The following FAM227B variants were observed in gnomAD, a reference collection of about 807,000 sequenced individuals.
FAM227B encodes protein FAM227B.
A neutral mutation model predicts 73.8 loss-of-function variants in FAM227B; 88 were observed. The ratio of observed to expected loss-of-function variants is 1.19; its 90% CI spans 1.00 to 1.42. The LOEUF is 1.42. Ranked by LOEUF, FAM227B falls within the 40% of genes most tolerant of loss-of-function variation. The pLI is 0.00. For synonymous variants in FAM227B, 210 were observed against 190.5 expected (o/e 1.10, Z -0.84); for missense variants, 632 against 590.9 (o/e 1.07, Z -0.72).
chr15:49,588,010 C>A lies in FAM227B; in HGVS notation c.405+6G>T, dbSNP rs994969576. The A allele has an allele frequency of 2.8e-6, 4 of 1,446,476 alleles. No homozygotes were observed. Among genetic ancestry groups the A allele is most frequent in the South Asian group, 2.9e-5 (2 of 69,982 alleles). 89.6% of individuals were successfully genotyped at this position (1,446,476 alleles called of 1,614,324 possible). On this transcript the variant is annotated splice_donor_region_variant and intron_variant, in intron 5 of 15. Transcript: ENST00000299338. ...TTCAAGGATGATAAAAACATAGATA[C>A]CATACCATTATCTTTTTTTTCTTAT...
intron 11 of FAM227B, among the ~76,000 whole-genome samples, chr15:49,496,931 TCA>T (rs147133019): frequency 0.023 from 3,243 of 140,818 alleles, 109 homozygotes; most frequent in African/African-American, 0.071. Flanking sequence ...ATACACAAAG[TCA>T]CACACACACA....
At chr15:49,547,375 C>A (rs557490359) in intron 9 of FAM227B, among the ~76,000 whole-genome samples, 1 of 149,720 alleles carries the variant, frequency 6.7e-6, no homozygotes, top group Non-Finnish European at 1.5e-5. Flanking sequence ...CATCAACTAA[C>A]AAGCAAAATA....
chr15:49,456,269 T>C (rs2053276644), intron 11 of FAM227B, among the ~76,000 whole-genome samples: 1 of 152,130 alleles, frequency 6.6e-6, no homozygotes, highest in African/African-American at 2.4e-5. Context: ...ATGTGTTTGA[T>C]GATCATAATA....
At position 49,327,224 on chromosome 15, in the gene FAM227B, T is replaced by G. The variant is rs923821418; in HGVS notation, c.*1344A>C. 1 of 152,232 alleles carries G rather than the reference T, an allele frequency of 6.6e-6. No individual in the cohort carries two copies. The highest frequency in any genetic ancestry group is 1.5e-5 in the Non-Finnish European group (1 of 68,044). 9.4% of individuals were successfully genotyped at this position (152,232 alleles called of 1,614,324 possible). On this transcript the variant is annotated 3_prime_UTR_variant, in exon 16 of 16. Transcript: ENST00000299338. Reference sequence around the variant, plus strand: ...TGTTGTCATCCCAATCAGATATATCTCATCTGATGTCAACTTCTGAGTCCA... The same window carrying G: ...TGTTGTCATCCCAATCAGATATATCGCATCTGATGTCAACTTCTGAGTCCA...
Position 49,556,969 on chromosome 15 carries a change from C to A in FAM227B, c.747+11276G>T, listed in dbSNP as rs2152325177. ...AGAGGTCCCTGGTGAGAGTGGGTTG[C>A]CCCTTGCCTGCTCATCTCACCTCTT... is the stretch of plus-strand genomic sequence containing the variant. On this transcript the variant is annotated intron_variant, in intron 9 of 15. Coordinates refer to ENST00000299338, the MANE Select transcript of FAM227B (RefSeq NM_152647.3). 3.3e-5 allele frequency among the ~76,000 whole-genome samples: 5 copies of A among 152,248 alleles called. No individual in the cohort carries two copies. In the South Asian group the frequency reaches 1.0e-3, roughly 32 times the overall value.
At chr15:49,575,392 T>C (rs2152374752) in intron 7 of FAM227B, among the ~76,000 whole-genome samples, 1 of 152,158 alleles carries the variant, frequency 6.6e-6, no homozygotes, top group South Asian at 2.1e-4. Context: ...TTGGATTCTA[T>C]TTTTAGTACT....
intron 11 of FAM227B, among the ~76,000 whole-genome samples, chr15:49,470,239 A>C (rs1039222256): frequency 1.6e-5 from 1 of 61,016 alleles, no homozygotes; most frequent in Non-Finnish European, 3.9e-5. Context: ...GCACCTTATA[A>C]TTCTTTAACA....
intron 11 of FAM227B, among the ~76,000 whole-genome samples, chr15:49,499,629 A>G (rs2057973374): frequency 6.6e-6 from 1 of 152,230 alleles, no homozygotes; most frequent in Non-Finnish European, 1.5e-5. Context: ...GAGGACTTAT[A>G]GTACCTAACT....
chr15:49,349,203 T>A (rs2041922127), intron 13 of FAM227B, among the ~76,000 whole-genome samples: 1 of 152,350 alleles, frequency 6.6e-6, no homozygotes, highest in South Asian at 2.1e-4. Flanking sequence ...TACAATTTTT[T>A]AATTGTCTCT....
intron 11 of FAM227B, among the ~76,000 whole-genome samples, chr15:49,493,888 A>ATATATGTGTG (rs146161182): frequency 3.3e-3 from 493 of 148,908 alleles, no homozygotes; most frequent in African/African-American, 0.011. Flanking sequence ...ATATATATAT[A>ATATATGTGTG]TGTGTGTGTG....
intron 11 of FAM227B, among the ~76,000 whole-genome samples, chr15:49,389,647 AAAG>A (rs1202434071): frequency 6.6e-6 from 1 of 152,058 alleles, no homozygotes; most frequent in Non-Finnish European, 1.5e-5. Context: ...GAATTTTTAA[AAAG>A]AAGAAAAAAG....
Position 49,371,371 on chromosome 15 carries a change from C to A in FAM227B, c.1041G>T (p.Leu347=). The change falls in exon 12 of 16, where the codon CTG becomes CTT. Residue 347 remains leucine (L), a synonymous_variant. Coordinates refer to ENST00000299338, the MANE Select transcript of FAM227B (RefSeq NM_152647.3). ...TSIDFNIIKI[L]NNPRAYTLPI... ...GCAACGTATATGCTCTTGGGTTGTT[C>A]AGAATCTTTATAATATTGAAGTCGA... The A allele has an allele frequency of 6.3e-7, 1 of 1,584,646 alleles. No individual in the cohort carries two copies. Among genetic ancestry groups the A allele is most frequent in the Non-Finnish European group, 8.6e-7 (1 of 1,162,418 alleles).
chr15:49,479,181 G>A (rs1761507190), intron 11 of FAM227B, among the ~76,000 whole-genome samples: 1 of 152,126 alleles, frequency 6.6e-6, no homozygotes, highest in Admixed American at 6.5e-5. Flanking sequence ...TTGCTGACAA[G>A]GCTAAATGGT....
intron 3 of FAM227B, among the ~76,000 whole-genome samples, chr15:49,609,899 T>C (rs2077774688): frequency 6.6e-6 from 1 of 151,950 alleles, no homozygotes; most frequent in African/African-American, 2.4e-5. Flanking sequence ...TATGTTGTTT[T>C]ATCAAATGCT....
chr15:49,352,208 A>C lies in FAM227B; in HGVS notation c.1271+15240T>G, dbSNP rs1485199157. ...AGCAAGCATCCCAAAAGCAAGAGTG[A>C]AACAGGCAGAAGCTGTAAAGCCATT... On this transcript the variant is annotated intron_variant, in intron 13 of 15. Coordinates refer to ENST00000299338, the MANE Select transcript of FAM227B (RefSeq NM_152647.3). 2.0e-5 allele frequency among the ~76,000 whole-genome samples: 3 copies of C among 152,234 alleles called. 1 individual carries two copies. The highest frequency in any genetic ancestry group is 4.4e-5 in the Non-Finnish European group (3 of 68,040).
intron 13 of FAM227B, among the ~76,000 whole-genome samples, chr15:49,347,081 G>C (rs920507897): frequency 6.6e-6 from 1 of 152,150 alleles, no homozygotes; most frequent in South Asian, 2.1e-4. Context: ...TGTAAAATAG[G>C]ATTGCAGTTC....
At chr15:49,534,405 T>A (rs1291181884) in intron 10 of FAM227B, among the ~76,000 whole-genome samples, 4 of 151,888 alleles carry the variant, frequency 2.6e-5, no homozygotes, top group Non-Finnish European at 5.9e-5. Flanking sequence ...GATAAATGGA[T>A]CAATTTATCA....
rs2056254830 is a variant in FAM227B, at chr15:49,484,615, C to T, written c.1012+23596G>A. 12 of 528,076 alleles carry T rather than the reference C, an allele frequency of 2.3e-5. No homozygotes were observed. In the South Asian group the frequency reaches 3.9e-4, roughly 17 times the overall value. The allele number at this position is 528,076 out of a possible 1,614,324, so 32.7% of individuals were successfully genotyped here. ...TTTATTTTTTAGTAATCAAGAAAGG[C>T]TGGAAAACTACTGAAAAACTGATCA... On this transcript the variant is annotated intron_variant, in intron 11 of 15. Coordinates refer to ENST00000299338, the MANE Select transcript of FAM227B (RefSeq NM_152647.3).
At chr15:49,458,382 A>G (rs1240170675) in intron 11 of FAM227B, among the ~76,000 whole-genome samples, 1 of 152,072 alleles carries the variant, frequency 6.6e-6, no homozygotes, top group Non-Finnish European at 1.5e-5. Context: ...AAACTCATAA[A>G]CATGCACGTC....
Sources: allele counts gnomAD v4.1 joint callset (sites outside exome capture counted in the v4.1 genomes callset), GRCh38; gene constraint gnomAD v4.1.1; transcripts MANE v1.5; gene names NCBI Gene and HGNC (gene_info 2026-07-23, HGNC 2026-07-21).